FSIP1: variants seen among roughly 807,000 people sequenced by gnomAD.
FSIP1 encodes fibrous sheath-interacting protein 1.
A neutral mutation model predicts 60.9 loss-of-function variants in FSIP1; 65 were observed. The observed-to-expected ratio is 1.07, with a 90% CI of 0.87 to 1.31. FSIP1 has a LOEUF of 1.31. Among genes scored for constraint, FSIP1 ranks in the 40% most tolerant of loss-of-function variants. FSIP1 has a pLI of 0.00. For synonymous variants in FSIP1, 209 were observed against 221.2 expected (o/e 0.94, Z 0.49); for missense variants, 675 against 665.5 (o/e 1.01, Z -0.16).
chr15:39,750,231 A>G (rs2140668110), intron 5 of FSIP1, among the ~76,000 whole-genome samples: 1 of 152,040 alleles, frequency 6.6e-6, no homozygotes. Flanking sequence ...GATAATGTCC[A>G]CACTACCCAA....
chr15:39,665,544 G>C (rs926568944), intron 10 of FSIP1, among the ~76,000 whole-genome samples: 5 of 152,192 alleles, frequency 3.3e-5, no homozygotes, highest in Non-Finnish European at 7.4e-5. Flanking sequence ...AGTTTGTAAT[G>C]AGAAAACGGA....
intron 10 of FSIP1, among the ~76,000 whole-genome samples, chr15:39,665,091 G>A (rs773240555): frequency 2.0e-5 from 3 of 152,144 alleles, no homozygotes; most frequent in Non-Finnish European, 4.4e-5. Flanking sequence ...CACTCCCATC[G>A]AAAGCTTCAT....
At chr15:39,760,701 T>C (rs995206080) in intron 5 of FSIP1, among the ~76,000 whole-genome samples, 3 of 152,154 alleles carry the variant, frequency 2.0e-5, no homozygotes, top group African/African-American at 7.2e-5. Flanking sequence ...CAACGAAATG[T>C]AACATGGGAT....
chr15:39,620,750 C>T (rs1305853276), intron 10 of FSIP1, among the ~76,000 whole-genome samples: 1 of 145,378 alleles, frequency 6.9e-6, no homozygotes, highest in Non-Finnish European at 1.5e-5. Context: ...CACCACCACA[C>T]CTGGCTAATA....
At position 39,720,640 on chromosome 15, in the gene FSIP1, G is replaced by C. The variant is rs73395252; in HGVS notation, c.1050+5949C>G. Among the ~76,000 whole-genome samples, 1,422 of 152,262 alleles carry C rather than the reference G, an allele frequency of 9.3e-3. 21 individuals carry two copies. The highest frequency in any genetic ancestry group is 0.032 in the African/African-American group (1,340 of 41,558). ...CCGGTTGCTAAGGATTTAAGAAACT[G>C]AATGCTTACATAACTCCTATATCTT... is the stretch of plus-strand genomic sequence containing the variant. On this transcript the variant is annotated intron_variant, in intron 9 of 11. Coordinates refer to ENST00000350221, the MANE Select transcript of FSIP1 (RefSeq NM_152597.5).
intron 10 of FSIP1, among the ~76,000 whole-genome samples, chr15:39,675,051 A>T (rs1176247539): frequency 6.6e-6 from 1 of 151,918 alleles, no homozygotes; most frequent in Non-Finnish European, 1.5e-5. Flanking sequence ...TTTTTTTTAA[A>T]GGGGGGGTGG....
chr15:39,776,197 A>G (rs868865409), intron 2 of FSIP1, among the ~76,000 whole-genome samples: 10 of 30,690 alleles, frequency 3.3e-4, no homozygotes, highest in East Asian at 1.4e-3. Context: ...GGGAGGAGAG[A>G]GAGGGAGGGA....
intron 10 of FSIP1, among the ~76,000 whole-genome samples, chr15:39,682,823 A>G (rs1166847028): frequency 2.0e-5 from 3 of 152,240 alleles, no homozygotes; most frequent in African/African-American, 7.2e-5. Flanking sequence ...AACTTTTAAT[A>G]GCATTTAAAT....
At chr15:39,729,740 A>G (rs1896333149) in intron 8 of FSIP1, among the ~76,000 whole-genome samples, 1 of 152,238 alleles carries the variant, frequency 6.6e-6, no homozygotes, top group East Asian at 1.9e-4. Context: ...CTTTGCAGCA[A>G]CATGGATGCA....
chr15:39,747,020 C>CAT, intron 5 of FSIP1, among the ~76,000 whole-genome samples: 1 of 148,058 alleles, frequency 6.8e-6, no homozygotes, highest in African/African-American at 2.5e-5. Context: ...TCCCTCCTTC[C>CAT]CTCCTTCCCT....
intron 10 of FSIP1, among the ~76,000 whole-genome samples, chr15:39,621,525 C>T (rs1190102408): frequency 6.6e-6 from 1 of 152,214 alleles, no homozygotes; most frequent in Non-Finnish European, 1.5e-5. Context: ...TCTCCTTTAT[C>T]TGTAAAATGA....
intron 10 of FSIP1, among the ~76,000 whole-genome samples, chr15:39,647,151 C>A (rs1206109930): frequency 6.6e-6 from 1 of 152,102 alleles, no homozygotes; most frequent in African/African-American, 2.4e-5. Flanking sequence ...AAGTTGCAGA[C>A]ATGTAAGATG....
At chr15:39,734,853 A>G (rs761370790) in intron 8 of FSIP1, among the ~76,000 whole-genome samples, 1 of 152,176 alleles carries the variant, frequency 6.6e-6, no homozygotes, top group Non-Finnish European at 1.5e-5. Context: ...AGATAAAGAC[A>G]CAAAAGCAAC....
intron 1 of FSIP1, among the ~76,000 whole-genome samples, chr15:39,779,648 A>T (rs1470429864): frequency 6.6e-6 from 1 of 152,214 alleles, no homozygotes; most frequent in African/African-American, 2.4e-5. Flanking sequence ...TTCAAAATAG[A>T]ATCATATTTA....
chr15:39,622,099 C>A (rs1403476549), intron 10 of FSIP1, among the ~76,000 whole-genome samples: 2 of 152,194 alleles, frequency 1.3e-5, no homozygotes, highest in Admixed American at 6.5e-5. Context: ...AGATTGCTCT[C>A]AAAAATTCTG....
chr15:39,633,701 C>T (rs1475080900), intron 10 of FSIP1, among the ~76,000 whole-genome samples: 4 of 152,090 alleles, frequency 2.6e-5, no homozygotes, highest in Non-Finnish European at 2.9e-5. Flanking sequence ...TTAAACATTC[C>T]GTTTCAAAAC....
intron 10 of FSIP1, among the ~76,000 whole-genome samples, chr15:39,629,068 T>G (rs918656958): frequency 2.6e-5 from 4 of 152,202 alleles, no homozygotes; most frequent in African/African-American, 9.6e-5. Context: ...CACTGAAGCC[T>G]GTACTTTCCA....
At chr15:39,752,394 T>C (rs1897190060) in intron 5 of FSIP1, among the ~76,000 whole-genome samples, 1 of 151,988 alleles carries the variant, frequency 6.6e-6, no homozygotes, top group African/African-American at 2.4e-5. Context: ...TGGCAAAGGA[T>C]GGGGAAATAT....
chr15:39,719,670 G>GAGACAATGCTATACATA (rs1895879162), intron 9 of FSIP1, among the ~76,000 whole-genome samples: 1 of 152,222 alleles, frequency 6.6e-6, no homozygotes, highest in Non-Finnish European at 1.5e-5. Flanking sequence ...ATACATTTCT[G>GAGACAATGCTATACATA]TAGGTTCCTG....
Sources: allele counts gnomAD v4.1 joint callset (sites outside exome capture counted in the v4.1 genomes callset), GRCh38; gene constraint gnomAD v4.1.1; transcripts MANE v1.5; gene names NCBI Gene and HGNC (gene_info 2026-07-23, HGNC 2026-07-21).